CECR2: variants seen among roughly 807,000 people sequenced by gnomAD.
The protein encoded by CECR2 is chromatin remodeling regulator CECR2.
Under a neutral mutation model 154.5 loss-of-function variants are expected in CECR2, and 30 were observed. The observed-to-expected ratio is 0.19, with a 90% CI of 0.15 to 0.26. The LOEUF (loss-of-function observed/expected upper bound fraction) is 0.26. Among genes scored for constraint, CECR2 ranks in the 10% least tolerant of loss-of-function variants. CECR2 has a pLI of 1.00. For synonymous variants in CECR2, 725 were observed against 683.7 expected, an observed-to-expected ratio of 1.06 and a Z score of -0.94; for missense variants, 1,743 against 1,829.3, an observed-to-expected ratio of 0.95 and a Z score of 0.86.
rs995445760 is a variant in CECR2, at chr22:17,477,002, G to A, written c.127-586G>A. The A allele has an allele frequency of 6.1e-6, 4 of 652,638 alleles. No individual in the cohort carries two copies. In the Admixed American group the frequency reaches 9.3e-5, roughly 15 times the overall value. 40.4% of individuals were successfully genotyped at this position (652,638 alleles called of 1,614,324 possible). ...CAGAGACGTTACCTCATTCTGTTTA[G>A]ATGATGTAAGATTAGCCTTGGATCT... On this transcript the variant is annotated intron_variant, in intron 1 of 18. Coordinates refer to ENST00000262608, the MANE Select transcript of CECR2 (RefSeq NM_001290047.2).
At chr22:17,432,347 T>TA (rs2054438294) in intron 1 of CECR2, among the ~76,000 whole-genome samples, 1 of 152,256 alleles carries the variant, frequency 6.6e-6, no homozygotes, top group Non-Finnish European at 1.5e-5. Flanking sequence ...GTGTGGGTAA[T>TA]ACCACATTTG....
chr22:17,499,404 G>T lies in CECR2; in HGVS notation c.406-6G>T, dbSNP rs1329276340. 5 of 1,612,802 alleles carry T rather than the reference G, an allele frequency of 3.1e-6. No homozygotes were observed. The South Asian group carries it at 3.3e-5, about 11-fold the overall frequency. On this transcript the variant is annotated splice_region_variant and splice_polypyrimidine_tract_variant and intron_variant, in intron 3 of 18. Coordinates refer to ENST00000262608, the MANE Select transcript of CECR2 (RefSeq NM_001290047.2). ...TCCCCAAACCCCTTTTCCGTGCTCT[G>T]TGTAGGGCCTGGATGCAGACAGTCT...
chr22:17,528,654 GC>G (rs1001916914), intron 9 of CECR2, among the ~76,000 whole-genome samples: 37 of 152,186 alleles, frequency 2.4e-4, no homozygotes, highest in African/African-American at 8.9e-4. Context: ...CCATGCCTCA[GC>G]CTCCCAAGTA....
Position 17,419,824 on chromosome 22 carries a change from G to C in CECR2, c.126+49915G>C, listed in dbSNP as rs529243916. On this transcript the variant is annotated intron_variant, in intron 1 of 18. Coordinates refer to ENST00000262608, the MANE Select transcript of CECR2 (RefSeq NM_001290047.2). ...TTTGGTGCTCAGAATATAGCTCAGA[G>C]GATTAGAGGATTGAGTTTCGAAAGA... 6 of 283,940 alleles carry C rather than the reference G, an allele frequency of 2.1e-5. No individual in the cohort carries two copies. The East Asian group carries it at 5.4e-4, about 26-fold the overall frequency. 17.6% of individuals were successfully genotyped at this position (283,940 alleles called of 1,614,324 possible).
intron 1 of CECR2, among the ~76,000 whole-genome samples, chr22:17,404,115 C>T (rs1374954535): frequency 1.3e-5 from 2 of 151,260 alleles, no homozygotes; most frequent in Admixed American, 6.6e-5. Context: ...AAAAATTAGC[C>T]GGGCGTCATG....
At chr22:17,483,618 T>C (rs1309753440) in intron 2 of CECR2, among the ~76,000 whole-genome samples, 1 of 152,180 alleles carries the variant, frequency 6.6e-6, no homozygotes, top group Non-Finnish European at 1.5e-5. Flanking sequence ...AAAAATATTT[T>C]TGTATAGCTC....
At chr22:17,552,787 T>TTTTTTTTTTTTTTTTTAAA in intron 18 of CECR2, 48 bp from the exon 19 acceptor site, 1 of 1,391,194 alleles carries the variant, frequency 7.2e-7, no homozygotes, top group Non-Finnish European at 9.7e-7. Flanking sequence ...TTTTTTTTTT[T>TTTTTTTTTTTTTTTTTAAA]AACAACCCAA....
upstream of CECR2, among the ~76,000 whole-genome samples, chr22:17,366,370 G>A (rs573330250): frequency 9.2e-5 from 14 of 152,192 alleles, no homozygotes; most frequent in Admixed American, 2.0e-4. Flanking sequence ...TGTATTTTTA[G>A]CAGAGACGGA....
chr22:17,488,831 C>T (rs1477748068), intron 2 of CECR2, among the ~76,000 whole-genome samples: 1 of 152,166 alleles, frequency 6.6e-6, no homozygotes, highest in Non-Finnish European at 1.5e-5. Context: ...TGGCGGGTCA[C>T]ATGGTAAAAG....
intron 1 of CECR2, among the ~76,000 whole-genome samples, chr22:17,439,284 A>G (rs5992052): frequency 0.08 from 12,186 of 152,020 alleles, 1,043 homozygotes; most frequent in African/African-American, 0.22. Context: ...TCCAGTTACC[A>G]AATTTACTAC....
chr22:17,537,028 T>G, intron 9 of CECR2, 75 bp from the exon 10 acceptor site: 1 of 1,541,064 alleles, frequency 6.5e-7, no homozygotes, highest in Admixed American at 2.0e-5. Context: ...CTTCCTTCTC[T>G]CACAGTGATG....
chr22:17,404,366 TTC>T lies in CECR2; in HGVS notation c.126+34459_126+34460del, dbSNP rs1401283089. On this transcript the variant is annotated intron_variant, in intron 1 of 18. Coordinates refer to ENST00000262608, the MANE Select transcript of CECR2 (RefSeq NM_001290047.2). ...TGGGTTCATTTCTGGACCCTGTTCT[TTC>T]TTTTTTTTTTTTTTTTTTTTTTTGA... is the stretch of plus-strand genomic sequence containing the variant. Among the ~76,000 whole-genome samples, 37 of 75,370 alleles carry T rather than the reference TTC, an allele frequency of 4.9e-4. 3 individuals are homozygous for T. The highest frequency in any genetic ancestry group is 1.2e-3 in the Admixed American group (9 of 7,734). 49.4% of individuals were successfully genotyped at this position (75,370 alleles called of 152,430 possible).
intron 1 of CECR2, among the ~76,000 whole-genome samples, chr22:17,453,991 G>T (rs2054813136): frequency 6.6e-6 from 1 of 152,188 alleles, no homozygotes; most frequent in Non-Finnish European, 1.5e-5. Context: ...TAGGTGCCAG[G>T]TGTCAGCCTG....
At chr22:17,537,498 TAAATTAGCTCCTTGG>T (rs1389836055) in intron 10 of CECR2, among the ~76,000 whole-genome samples, 1 of 152,256 alleles carries the variant, frequency 6.6e-6, no homozygotes, top group East Asian at 1.9e-4. Context: ...GATTATTATG[TAAATTAGCTCCTTGG>T]AAATGTGAAT....
chr22:17,378,023 G>A (rs1318511274), intron 1 of CECR2, among the ~76,000 whole-genome samples: 6 of 152,144 alleles, frequency 3.9e-5, no homozygotes, highest in East Asian at 1.9e-4. Context: ...TTGCTCTGTT[G>A]CCCAGGCTGG....
At chr22:17,419,144 C>T (rs1157277528) in intron 1 of CECR2, 1 of 154,160 alleles carries the variant, frequency 6.5e-6, no homozygotes, top group Non-Finnish European at 1.4e-5. Context: ...CTCGCCCACG[C>T]ATCCCTGGTG....
chr22:17,420,089 C>A (rs5992046), intron 1 of CECR2, among the ~76,000 whole-genome samples: 4 of 151,948 alleles, frequency 2.6e-5, no homozygotes, highest in East Asian at 1.9e-4. Context: ...TCAATACTTA[C>A]GAAAGGAAGA....
intron 2 of CECR2, among the ~76,000 whole-genome samples, chr22:17,489,045 G>A (rs549347814): frequency 2.0e-4 from 30 of 152,320 alleles, no homozygotes; most frequent in African/African-American, 7.0e-4. Context: ...TCCACCTCAA[G>A]TGATTCTCCT....
rs140492270 is a variant in CECR2, at chr22:17,492,081, T to C, written c.222-5322T>C. 4.2e-3 allele frequency among the ~76,000 whole-genome samples: 634 copies of C among 152,368 alleles called. 7 individuals are homozygous for C. The highest frequency in any genetic ancestry group is 0.014 in the African/African-American group (589 of 41,586). Reference sequence around the variant, plus strand: ...TCATACAGAATCTTTTACTTGTTGCTTTACTACTAGAACCAGAATATTTAT... The same window carrying C: ...TCATACAGAATCTTTTACTTGTTGCCTTACTACTAGAACCAGAATATTTAT... On this transcript the variant is annotated intron_variant, in intron 2 of 18. Transcript: ENST00000262608.
Sources: allele counts gnomAD v4.1 joint callset (sites outside exome capture counted in the v4.1 genomes callset), GRCh38; gene constraint gnomAD v4.1.1; transcripts MANE v1.5; gene names NCBI Gene and HGNC (gene_info 2026-07-23, HGNC 2026-07-21).